FAM168A: variants seen among roughly 807,000 people sequenced by gnomAD.
FAM168A encodes protein FAM168A.
Under a neutral mutation model 28.5 loss-of-function variants are expected in FAM168A, and 3 were observed. The ratio of observed to expected loss-of-function variants is 0.11; its 90% confidence interval spans 0.05 to 0.27. The LOEUF is 0.27. FAM168A is among the 10% of genes least tolerant of loss of function. The pLI is 1.00. For synonymous variants in FAM168A, 122 were observed against 124.2 expected, an observed-to-expected ratio of 0.98 and a Z score of 0.12; for missense variants, 222 against 311.5, an observed-to-expected ratio of 0.71 and a Z score of 2.16.
Position 73,594,679 on chromosome 11 carries a change from C to A in FAM168A, c.-19+3244G>T, listed in dbSNP as rs554314056. On this transcript the variant is annotated intron_variant, in intron 1 of 7. Coordinates refer to ENST00000356467, the MANE Select transcript of FAM168A (RefSeq NM_015159.3). ...CCTCCCAAGTAGCTGGGATTACAGG[C>A]ACGTGCTACCAGCTAATTTTTGTAT... Among the ~76,000 whole-genome samples the A allele has an allele frequency of 7.9e-5, 12 of 152,268 alleles. No individual in the cohort carries two copies. The South Asian group carries it at 2.5e-3, about 32-fold the overall frequency.
At chr11:73,593,379 G>A (rs532727390) in intron 1 of FAM168A, among the ~76,000 whole-genome samples, 92 of 152,246 alleles carry the variant, frequency 6.0e-4, no homozygotes, top group Admixed American at 2.5e-3. Flanking sequence ...ATATAAATGG[G>A]GATGACAAAT....
Position 73,468,620 on chromosome 11 carries a change from C to T in FAM168A, c.-18-128G>A, listed in dbSNP as rs945479232. On this transcript the variant is annotated intron_variant, in intron 1 of 7. Coordinates refer to ENST00000356467, the MANE Select transcript of FAM168A (RefSeq NM_015159.3). ...AGGGTGTAGTGGAAAGAAGACTAAA[C>T]AAAAAAGCCAATTTGCTTGTAGTTG... 19 of 705,234 alleles carry T rather than the reference C, an allele frequency of 2.7e-5. No homozygotes were observed. The African/African-American group carries it at 3.1e-4, about 11-fold the overall frequency. 43.7% of individuals were successfully genotyped at this position (705,234 alleles called of 1,614,324 possible). A position where few individuals can be genotyped will look rare whatever the true frequency, so the allele number is the denominator to read the frequency against.
In FAM168A at chr11:73,470,154, C is replaced by T. The variant is rs373584782; in HGVS notation, c.-18-1662G>A. On this transcript the variant is annotated intron_variant, in intron 1 of 7. Coordinates refer to ENST00000356467, the MANE Select transcript of FAM168A (RefSeq NM_015159.3). ...CTCGAACTCCTGACCTCGTGATCCACCCACCTCAGCCTCCCAAAGTGCTGG... is the reference window on the plus strand; with the variant it reads ...CTCGAACTCCTGACCTCGTGATCCATCCACCTCAGCCTCCCAAAGTGCTGG... 3.3e-5 allele frequency among the ~76,000 whole-genome samples: 5 copies of T among 152,282 alleles called. No homozygotes were observed. The South Asian group carries it at 1.0e-3, about 32-fold the overall frequency.
intron 5 of FAM168A, among the ~76,000 whole-genome samples, 199 bp from the exon 6 acceptor site, chr11:73,409,860 T>C (rs1369239216): frequency 6.6e-6 from 1 of 152,220 alleles, no homozygotes; most frequent in African/African-American, 2.4e-5. Flanking sequence ...GCCTTGCTCA[T>C]AAGGCTGCTA....
intron 1 of FAM168A, among the ~76,000 whole-genome samples, chr11:73,496,968 A>G (rs1039125833): frequency 1.4e-4 from 21 of 152,160 alleles, no homozygotes; most frequent in African/African-American, 4.8e-4. Flanking sequence ...AAATCAGGAC[A>G]CCTGGGAATC....
At chr11:73,506,565 T>C (rs1388755384) in intron 1 of FAM168A, among the ~76,000 whole-genome samples, 1 of 152,168 alleles carries the variant, frequency 6.6e-6, no homozygotes, top group Non-Finnish European at 1.5e-5. Flanking sequence ...TAGATTCTGG[T>C]CCTCCTCTAC....
rs540272457 is a variant in FAM168A at position 73,402,633 on chromosome 11, G to C, written c.*4130C>G. The C allele has an allele frequency of 6.6e-6, 1 of 152,348 alleles. No individual in the cohort carries two copies. The highest frequency in any genetic ancestry group is 6.5e-5 in the Admixed American group (1 of 15,304). 9.4% of individuals were successfully genotyped at this position (152,348 alleles called of 1,614,324 possible). ...CGTTTTGTACCAACTCACTGGATCTGGACAGTGGGCAGGCTCTCAGGGATT... is the reference window on the plus strand; with the variant it reads ...CGTTTTGTACCAACTCACTGGATCTCGACAGTGGGCAGGCTCTCAGGGATT... On this transcript the variant is annotated 3_prime_UTR_variant, in exon 8 of 8. Coordinates refer to ENST00000356467, the MANE Select transcript of FAM168A (RefSeq NM_015159.3).
At chr11:73,455,636 G>T (rs1867517682) in intron 2 of FAM168A, among the ~76,000 whole-genome samples, 1 of 152,164 alleles carries the variant, frequency 6.6e-6, no homozygotes, top group South Asian at 2.1e-4. Context: ...CATAAACAAA[G>T]AACACACAAT....
intron 6 of FAM168A, 21 bp from the exon 7 acceptor site, chr11:73,407,664 G>A (rs1297463149): frequency 1.3e-6 from 2 of 1,594,542 alleles, no homozygotes; most frequent in Non-Finnish European, 1.7e-6. Context: ...AGAGAGAGAA[G>A]AGTAACCTGA....
At chr11:73,518,972 T>G (rs1943339076) in intron 1 of FAM168A, among the ~76,000 whole-genome samples, 2 of 152,180 alleles carry the variant, frequency 1.3e-5, no homozygotes, top group Admixed American at 1.3e-4. Context: ...CTGCCATGAG[T>G]GGAAGCAGCC....
chr11:73,514,776 T>C (rs999874823), intron 1 of FAM168A, among the ~76,000 whole-genome samples: 1 of 152,090 alleles, frequency 6.6e-6, no homozygotes, highest in Non-Finnish European at 1.5e-5. Flanking sequence ...GAGGCTACAG[T>C]GAGCCATGAT....
intron 1 of FAM168A, among the ~76,000 whole-genome samples, chr11:73,518,116 C>T (rs78019621): frequency 1.3e-5 from 2 of 152,148 alleles, no homozygotes; most frequent in African/African-American, 4.8e-5. Flanking sequence ...GTGACAGAAC[C>T]AAGCTCTGAA....
chr11:73,473,331 C>T (rs150981675), intron 1 of FAM168A, among the ~76,000 whole-genome samples: 2 of 152,276 alleles, frequency 1.3e-5, no homozygotes, highest in Non-Finnish European at 2.9e-5. Flanking sequence ...CTCTAGTCAG[C>T]TACCCCAGTA....
At chr11:73,507,304 T>C (rs912927491) in intron 1 of FAM168A, among the ~76,000 whole-genome samples, 2 of 152,196 alleles carry the variant, frequency 1.3e-5, no homozygotes, top group African/African-American at 2.4e-5. Context: ...TTATGATCCA[T>C]CCAAGACTCA....
At position 73,527,273 on chromosome 11, in the gene FAM168A, A is replaced by G. The variant is rs184164232; in HGVS notation, c.-18-58781T>C. Among the ~76,000 whole-genome samples, 396 of 152,322 alleles carry G rather than the reference A, an allele frequency of 2.6e-3. 3 individuals carry two copies. Among genetic ancestry groups the G allele is most frequent in the African/African-American group, 9.1e-3 (380 of 41,564 alleles). ...GGTTCCATCTAGATACATGAATACCAGCAGACCACATAAAACTGCCCCTAA... is the reference window on the plus strand; with the variant it reads ...GGTTCCATCTAGATACATGAATACCGGCAGACCACATAAAACTGCCCCTAA... On this transcript the variant is annotated intron_variant, in intron 1 of 7. Coordinates refer to ENST00000356467, the MANE Select transcript of FAM168A (RefSeq NM_015159.3).
At chr11:73,484,422 G>A (rs1207323828) in intron 1 of FAM168A, among the ~76,000 whole-genome samples, 2 of 150,598 alleles carry the variant, frequency 1.3e-5, no homozygotes, top group Admixed American at 6.6e-5. Context: ...TACAGCACAG[G>A]ACCAACTACA....
At chr11:73,473,206 G>C (rs1212547927) in intron 1 of FAM168A, among the ~76,000 whole-genome samples, 1 of 151,926 alleles carries the variant, frequency 6.6e-6, no homozygotes, top group African/African-American at 2.4e-5. Flanking sequence ...AAAAAATGAA[G>C]TGACTAGCCC....
At chr11:73,592,617 G>A (rs1203070398) in intron 1 of FAM168A, among the ~76,000 whole-genome samples, 1 of 151,862 alleles carries the variant, frequency 6.6e-6, no homozygotes, top group African/African-American at 2.4e-5. Context: ...AGGGGAGGGA[G>A]AAGAAGGAAT....
At chr11:73,454,339 T>C (rs1038531748) in intron 2 of FAM168A, among the ~76,000 whole-genome samples, 3 of 152,194 alleles carry the variant, frequency 2.0e-5, no homozygotes, top group East Asian at 1.9e-4. Flanking sequence ...AAGCCCCTCA[T>C]AGCCTAGATG....
Sources: gnomAD v4.1 joint callset for allele counts (sites outside exome capture counted in the v4.1 genomes callset) on GRCh38, gnomAD v4.1.1 for gene constraint, MANE v1.5 for transcripts, NCBI Gene and HGNC (gene_info 2026-07-23, HGNC 2026-07-21) for gene names.